The following GPHN variants were observed in gnomAD, a reference collection of about 807,000 sequenced individuals.
The protein encoded by GPHN is gephyrin.
A neutral mutation model predicts 95.5 loss-of-function variants in GPHN; 17 were observed. The ratio of observed to expected loss-of-function variants is 0.18; its 90% CI spans 0.12 to 0.27. GPHN has a LOEUF of 0.27. Ranked by LOEUF, GPHN falls within the 10% of genes least tolerant of loss-of-function variation. The pLI, the probability that GPHN is intolerant of heterozygous loss-of-function variation, is 1.00. For missense variants in GPHN, 660 were observed against 978.1 expected (o/e 0.67, Z 4.34); for synonymous variants, 320 against 322.5 (o/e 0.99, Z 0.08).
intron 17 of GPHN, among the ~76,000 whole-genome samples, chr14:67,139,754 A>C (rs1300820079): frequency 6.6e-6 from 1 of 152,154 alleles, no homozygotes; most frequent in African/African-American, 2.4e-5. Context: ...AGGATGTCTG[A>C]TCAAATCTCC....
chr14:66,702,169 G>T (rs149958035), intron 2 of GPHN, among the ~76,000 whole-genome samples: 52 of 152,352 alleles, frequency 3.4e-4, no homozygotes, highest in Non-Finnish European at 6.9e-4. Flanking sequence ...CCTAGGGGAA[G>T]GAGTCGCCAC....
intron 9 of GPHN, among the ~76,000 whole-genome samples, chr14:66,997,227 C>T (rs1485936183): frequency 2.6e-5 from 4 of 151,920 alleles, no homozygotes; most frequent in African/African-American, 9.7e-5. Flanking sequence ...ATTAGCCAGA[C>T]GTGGTGGCGC....
chr14:66,893,239 G>A (rs112452656), intron 5 of GPHN, among the ~76,000 whole-genome samples: 1,920 of 152,298 alleles, frequency 0.013, 39 homozygotes, highest in African/African-American at 0.043. Flanking sequence ...AGCTCCCAGC[G>A]TGAGTAACGC....
chr14:66,508,834 G>T (rs554453112), intron 1 of GPHN, among the ~76,000 whole-genome samples: 19 of 152,284 alleles, frequency 1.2e-4, no homozygotes, highest in Middle Eastern at 3.4e-3. Context: ...AGCGCCTTCG[G>T]AAGCAAAGTC....
At chr14:66,754,004 A>G (rs2058468767) in intron 2 of GPHN, among the ~76,000 whole-genome samples, 1 of 152,046 alleles carries the variant, frequency 6.6e-6, no homozygotes, top group African/African-American at 2.4e-5. Flanking sequence ...TTCACTGAGC[A>G]TTTTTTAAGG....
At chr14:67,338,749 G>T in the GPHN span, 1 of 1,611,902 alleles carries the variant, frequency 6.2e-7, no homozygotes, top group Non-Finnish European at 8.5e-7. Flanking sequence ...TTCTTCTCTT[G>T]TATTTTCTTT....
intron 1 of GPHN, among the ~76,000 whole-genome samples, chr14:66,544,568 TTC>T (rs1333521395): frequency 1.5e-5 from 2 of 130,674 alleles, no homozygotes; most frequent in African/African-American, 7.7e-5. Context: ...ATGCAAGCCT[TTC>T]TTTTTTTCTT....
At chr14:67,536,975 G>C in the GPHN span, among the ~76,000 whole-genome samples, 3 of 151,238 alleles carry the variant, frequency 2.0e-5, 1 homozygote, top group African/African-American at 7.4e-5. Flanking sequence ...GAGAGGCGGA[G>C]GTTGCAGTGA....
At chr14:67,642,507 T>C in the GPHN span, 6 of 983,484 alleles carry the variant, frequency 6.1e-6, no homozygotes, top group Non-Finnish European at 8.9e-6. Flanking sequence ...AGCAAGCATT[T>C]AAATGTCTAA....
At chr14:66,779,602 G>A (rs2153463003) in intron 3 of GPHN, among the ~76,000 whole-genome samples, 1 of 152,182 alleles carries the variant, frequency 6.6e-6, no homozygotes, top group Admixed American at 6.5e-5. Context: ...GAAATACATA[G>A]AAGGGACACC....
chr14:67,722,321 G>T, the GPHN span: 1 of 449,552 alleles, frequency 2.2e-6, no homozygotes, highest in Non-Finnish European at 4.1e-6. Flanking sequence ...AGAAACAATT[G>T]AGGATGGGGG....
At chr14:66,511,867 C>T (rs1488959461) in intron 1 of GPHN, among the ~76,000 whole-genome samples, 1 of 151,714 alleles carries the variant, frequency 6.6e-6, no homozygotes, top group African/African-American at 2.4e-5. Flanking sequence ...AAAATGAGAA[C>T]ATATATGTAT....
the GPHN span, among the ~76,000 whole-genome samples, chr14:67,374,862 C>A: frequency 4.6e-5 from 7 of 152,128 alleles, no homozygotes; most frequent in African/African-American, 1.7e-4. Context: ...CCTCAGCCCT[C>A]CAAAGTGCTG....
the GPHN span, among the ~76,000 whole-genome samples, chr14:67,479,996 C>G: frequency 6.6e-6 from 1 of 152,166 alleles, no homozygotes; most frequent in African/African-American, 2.4e-5. Context: ...ACCTAATGGA[C>G]GCTGCCCAAC....
chr14:67,301,599 A>G, the GPHN span: 2 of 506,874 alleles, frequency 3.9e-6, no homozygotes, highest in Non-Finnish European at 6.8e-6. Context: ...CCCATCTATA[A>G]CATAGTAGTT....
At chr14:66,823,965 A>G (rs747474586) in intron 3 of GPHN, among the ~76,000 whole-genome samples, 6 of 152,194 alleles carry the variant, frequency 3.9e-5, no homozygotes, top group Non-Finnish European at 7.4e-5. Flanking sequence ...TAGCAAGAAT[A>G]AGAAAAGTCA....
At chr14:66,973,370 C>T (rs963072372) in intron 9 of GPHN, among the ~76,000 whole-genome samples, 4 of 152,176 alleles carry the variant, frequency 2.6e-5, no homozygotes, top group Admixed American at 2.6e-4. Context: ...CAGCTAACTC[C>T]ATTCATTTTC....
Position 66,811,608 on chromosome 14 carries a change from C to T in GPHN, c.202-12866C>T, listed in dbSNP as rs74888244. On this transcript the variant is annotated intron_variant, in intron 3 of 22. Transcript: ENST00000478722. ...TAAAATATAGAAAATGTATTTTTCA[C>T]CAACTGTCATTTCTAGAACCTAGTT... is the stretch of plus-strand genomic sequence containing the variant. 5.5e-3 allele frequency among the ~76,000 whole-genome samples: 835 copies of T among 150,920 alleles called. 3 individuals are homozygous for T. Among genetic ancestry groups the T allele is most frequent in the African/African-American group, 0.019 (797 of 41,118 alleles).
the GPHN span, among the ~76,000 whole-genome samples, chr14:67,538,269 A>G: frequency 6.6e-6 from 1 of 152,130 alleles, no homozygotes; most frequent in Non-Finnish European, 1.5e-5. Context: ...GAAGAGGACA[A>G]TTGTAGATAT....
Sources: gnomAD v4.1 joint callset for allele counts (sites outside exome capture counted in the v4.1 genomes callset) on GRCh38, gnomAD v4.1.1 for gene constraint, MANE v1.5 for transcripts, NCBI Gene and HGNC (gene_info 2026-07-23, HGNC 2026-07-21) for gene names.